The following SYN3 variants were observed in gnomAD, a reference collection of about 807,000 sequenced individuals.
The protein encoded by SYN3 is synapsin III, also known as synapsin-3.
SYN3 carries 35 observed loss-of-function variants against 65.8 expected under a neutral mutation model. The ratio of observed to expected loss-of-function variants is 0.53; its 90% CI spans 0.41 to 0.70. SYN3 has a LOEUF of 0.70. SYN3 is among the 30% of genes least tolerant of loss of function. The pLI, the probability that SYN3 is intolerant of heterozygous loss-of-function variation, is 0.00. For synonymous variants in SYN3, 270 were observed against 292.9 expected (o/e 0.92, Z 0.80); for missense variants, 680 against 749.0 (o/e 0.91, Z 1.08).
intron 12 of SYN3, among the ~76,000 whole-genome samples, chr22:32,524,141 G>A (rs2057936297): frequency 6.6e-6 from 1 of 152,264 alleles, no homozygotes. Context: ...GCAAGGTGAA[G>A]CTGCAAGTGC....
At chr22:32,587,591 A>C (rs970241370) in intron 7 of SYN3, among the ~76,000 whole-genome samples, 1 of 151,882 alleles carries the variant, frequency 6.6e-6, no homozygotes, top group Admixed American at 6.6e-5. Flanking sequence ...CCTCTTCATC[A>C]CCGTGTTACT....
chr22:32,668,315 A>C (rs2060318118), intron 6 of SYN3, among the ~76,000 whole-genome samples: 1 of 152,238 alleles, frequency 6.6e-6, no homozygotes, highest in Non-Finnish European at 1.5e-5. Flanking sequence ...CTTTTCAATG[A>C]AAATGACAAT....
At chr22:33,001,900 C>T (rs1022771953) in intron 2 of SYN3, among the ~76,000 whole-genome samples, 8 of 152,172 alleles carry the variant, frequency 5.3e-5, no homozygotes, top group Non-Finnish European at 1.0e-4. Context: ...GTTCAACCTC[C>T]ATGCAAAGAC....
intron 4 of SYN3, among the ~76,000 whole-genome samples, chr22:32,882,709 G>C (rs1236262230): frequency 1.4e-5 from 2 of 147,020 alleles, no homozygotes; most frequent in African/African-American, 4.9e-5. Flanking sequence ...CCTTAAAATA[G>C]TTCAGAATTT....
chr22:32,850,939 G>A (rs1416645543), intron 6 of SYN3, among the ~76,000 whole-genome samples: 2 of 152,124 alleles, frequency 1.3e-5, no homozygotes, highest in Non-Finnish European at 2.9e-5. Context: ...TCCTGAGGCT[G>A]GATGTACTAA....
intron 6 of SYN3, among the ~76,000 whole-genome samples, chr22:32,804,791 G>C (rs2046682071): frequency 6.6e-6 from 1 of 152,188 alleles, no homozygotes. Flanking sequence ...CGGCTTATAA[G>C]ACACACTGTG....
rs2019912 is a variant in SYN3, at chr22:32,594,500, T to C, written c.774+2174A>G. Among the ~76,000 whole-genome samples the C allele has an allele frequency of 8.6e-3, 1,306 of 152,162 alleles. 64 individuals carry two copies. The highest frequency in any genetic ancestry group is 0.06 in the Admixed American group (915 of 15,288). ...TGTTTTGATTTTTCTTTTCTTTTTT[T>C]TTTTTGGACTGAATTTCACTCTTGT... On this transcript the variant is annotated intron_variant, in intron 7 of 13. Transcript: ENST00000358763.
chr22:32,541,751 C>G (rs760462715), intron 7 of SYN3, 38 bp from the exon 8 acceptor site: 21 of 1,602,076 alleles, frequency 1.3e-5, no homozygotes, highest in Non-Finnish European at 1.6e-5. Context: ...GCCACCCACC[C>G]CGTGTTCACT....
intron 4 of SYN3, among the ~76,000 whole-genome samples, chr22:32,920,483 C>T (rs534780441): frequency 1.3e-5 from 2 of 152,156 alleles, no homozygotes. Context: ...GCACCTCGAG[C>T]TGGCTGGCTG....
At chr22:33,002,896 A>G (rs960492350) in intron 2 of SYN3, among the ~76,000 whole-genome samples, 1 of 152,048 alleles carries the variant, frequency 6.6e-6, no homozygotes, top group Non-Finnish European at 1.5e-5. Context: ...CATAATCTCT[A>G]TGTGTTGTGG....
intron 7 of SYN3, among the ~76,000 whole-genome samples, chr22:32,563,897 G>C (rs1406664858): frequency 6.6e-6 from 1 of 152,128 alleles, no homozygotes. Context: ...TCGAACTCCT[G>C]ACCTCAGGTG....
intron 2 of SYN3, among the ~76,000 whole-genome samples, chr22:32,985,914 C>A (rs1358287517): frequency 6.6e-6 from 1 of 152,036 alleles, no homozygotes; most frequent in East Asian, 1.9e-4. Context: ...CTTGACAGCA[C>A]CCCCTTCCCT....
intron 6 of SYN3, among the ~76,000 whole-genome samples, chr22:32,730,331 A>T (rs1173552027): frequency 6.6e-6 from 1 of 152,040 alleles, no homozygotes; most frequent in East Asian, 1.9e-4. Flanking sequence ...TCACTTCGAC[A>T]CTCGGCTTAC....
intron 6 of SYN3, among the ~76,000 whole-genome samples, chr22:32,746,916 A>G (rs1004662919): frequency 6.6e-6 from 1 of 152,092 alleles, no homozygotes; most frequent in Admixed American, 6.5e-5. Flanking sequence ...TTTGGAAGCA[A>G]CCTTTAGACA....
chr22:32,982,528 C>A (rs920343103), intron 2 of SYN3, among the ~76,000 whole-genome samples: 1 of 152,310 alleles, frequency 6.6e-6, no homozygotes, highest in Admixed American at 6.5e-5. Context: ...CTAATCCTGA[C>A]CTATGATTCA....
At chr22:32,755,035 T>A (rs570845001) in intron 6 of SYN3, among the ~76,000 whole-genome samples, 1 of 151,402 alleles carries the variant, frequency 6.6e-6, no homozygotes, top group South Asian at 2.1e-4. Flanking sequence ...CCCTCCCAAG[T>A]CTGGCACTGG....
At chr22:32,734,071 G>A (rs2061305542) in intron 6 of SYN3, among the ~76,000 whole-genome samples, 1 of 152,176 alleles carries the variant, frequency 6.6e-6, no homozygotes, top group Non-Finnish European at 1.5e-5. Context: ...TGCTGTCATG[G>A]TCTGTGGGTG....
intron 7 of SYN3, among the ~76,000 whole-genome samples, chr22:32,582,048 T>A (rs2058955533): frequency 6.6e-6 from 1 of 152,090 alleles, no homozygotes; most frequent in African/African-American, 2.4e-5. Flanking sequence ...TCCACCCATC[T>A]CGGCCTCCCA....
At chr22:32,665,164 AT>A (rs1349302986) in intron 6 of SYN3, among the ~76,000 whole-genome samples, 2 of 151,188 alleles carry the variant, frequency 1.3e-5, no homozygotes, top group Non-Finnish European at 2.9e-5. Context: ...CGCCTAGCTA[AT>A]TTTTGTATTT....
Sources: allele counts gnomAD v4.1 joint callset (sites outside exome capture counted in the v4.1 genomes callset), GRCh38; gene constraint gnomAD v4.1.1; transcripts MANE v1.5; gene names NCBI Gene and HGNC (gene_info 2026-07-23, HGNC 2026-07-21).